PHC1: variants seen among roughly 807,000 people sequenced by gnomAD.
PHC1 encodes the protein polyhomeotic-like protein 1.
PHC1 carries 12 observed loss-of-function variants against 104.3 expected under a neutral mutation model. That is an observed-to-expected ratio of 0.12 (90% CI 0.07 to 0.19). The LOEUF is 0.19. PHC1 is among the 10% of genes least tolerant of loss of function. The pLI is 1.00. For synonymous variants in PHC1, 302 were observed against 455.8 expected (o/e 0.66, Z 4.30); for missense variants, 671 against 1,200.0 (o/e 0.56, Z 6.51).
chr12:8,931,722 G>A (rs375772193), intron 7 of PHC1, among the ~76,000 whole-genome samples: 20 of 152,220 alleles, frequency 1.3e-4, no homozygotes, highest in African/African-American at 4.3e-4. Flanking sequence ...TTCAGACTGC[G>A]GGTAAGATGT....
chr12:8,934,977 G>T (rs773109766), intron 10 of PHC1, 147 bp from the exon 11 acceptor site: 2 of 553,782 alleles, frequency 3.6e-6, no homozygotes, highest in Non-Finnish European at 6.5e-6. Context: ...CTTGATTACC[G>T]TATTGAAAGT....
intron 7 of PHC1, among the ~76,000 whole-genome samples, chr12:8,931,215 A>G (rs1945674754): frequency 6.6e-6 from 1 of 152,150 alleles, no homozygotes; most frequent in African/African-American, 2.4e-5. Context: ...CACTCTGTCT[A>G]TTCATTCATC....
intron 6 of PHC1, among the ~76,000 whole-genome samples, chr12:8,923,808 C>T (rs191713903): frequency 2.4e-5 from 3 of 125,080 alleles, no homozygotes; most frequent in African/African-American, 9.1e-5. Flanking sequence ...CCAGCCTGGG[C>T]GACAGAGCGA....
At position 8,940,301 on chromosome 12, in the gene PHC1, G is replaced by T. The variant is rs1431874687; in HGVS notation, c.*842G>T. On this transcript the variant is annotated 3_prime_UTR_variant, in exon 15 of 15. Transcript: ENST00000544916. ...TTCCTCAGTAAAAGGATGAAAATTG[G>T]TTTCAGTTGTCTTACTCTATTCCAG... is the stretch of plus-strand genomic sequence containing the variant. The T allele has an allele frequency of 6.1e-6, 1 of 165,050 alleles. No individual in the cohort carries two copies. The highest frequency in any genetic ancestry group is 1.3e-5 in the Non-Finnish European group (1 of 74,958). The allele number at this position is 165,050 out of a possible 1,614,324, so 10.2% of individuals were successfully genotyped here. A position where few individuals can be genotyped will look rare whatever the true frequency, so the allele number is the denominator to read the frequency against.
intron 6 of PHC1, among the ~76,000 whole-genome samples, chr12:8,923,755 G>A (rs11048034): frequency 0.18 from 27,584 of 150,770 alleles, 3,131 homozygotes; most frequent in Admixed American, 0.28. Context: ...GCATGAACCC[G>A]GGAGGCGGAG....
intron 14 of PHC1, 119 bp from the exon 15 acceptor site, chr12:8,939,186 T>C (rs759496360): frequency 8.0e-7 from 1 of 1,257,226 alleles, no homozygotes; most frequent in Non-Finnish European, 1.1e-6. Flanking sequence ...CCATCTGACT[T>C]CATATTACTG....
chr12:8,937,029 C>T, intron 12 of PHC1, 65 bp downstream of exon 12: 2 of 1,398,644 alleles, frequency 1.4e-6, no homozygotes, highest in Non-Finnish European at 2.0e-6. Flanking sequence ...ACACCCCTTC[C>T]CCAGGATCGT....
intron 6 of PHC1, among the ~76,000 whole-genome samples, chr12:8,923,829 CAAA>C (rs67936637): frequency 5.7e-5 from 7 of 122,466 alleles, no homozygotes; most frequent in African/African-American, 3.4e-5. Flanking sequence ...GACTCCGTCT[CAAA>C]AAAAAAAAAA....
intron 4 of PHC1, among the ~76,000 whole-genome samples, chr12:8,921,310 G>A (rs1386533806): frequency 6.6e-6 from 1 of 152,116 alleles, no homozygotes; most frequent in Non-Finnish European, 1.5e-5. Flanking sequence ...AACAAAGAAG[G>A]GGACTAATCC....
In PHC1 at chr12:8,919,479, C is replaced by G. The variant is rs1256617013; in HGVS notation, c.115-277C>G. 6.6e-6 allele frequency among the ~76,000 whole-genome samples: 1 copy of G among 152,194 alleles called. No individual in the cohort carries two copies. Reference sequence around the variant, plus strand: ...TGGTGCATACCTATAGTCCTAGCTACTTGGGAGGTTGAGGCAGTCAGGAGG... The same window carrying G: ...TGGTGCATACCTATAGTCCTAGCTAGTTGGGAGGTTGAGGCAGTCAGGAGG... On this transcript the variant is annotated intron_variant, in intron 2 of 14. Transcript: ENST00000544916. The surrounding 1 kb of genome is among the most constrained non-coding windows in gnomAD (Gnocchi z 4.9).
rs1805735 is a variant in PHC1 at position 8,934,087 on chromosome 12, A to C, written c.2041+75A>C. On this transcript the variant is annotated intron_variant, in intron 9 of 14. Transcript: ENST00000544916. ...TGTTCTGAGTGAGCTAAAAGATAAAACTGGTTGAGTAGAAAATGGGCCAGA... is the reference window on the plus strand; with the variant it reads ...TGTTCTGAGTGAGCTAAAAGATAAACCTGGTTGAGTAGAAAATGGGCCAGA... 12 of 1,537,654 alleles carry C rather than the reference A, an allele frequency of 7.8e-6. No homozygotes were observed. The African/African-American group carries it at 1.1e-4, about 14-fold the overall frequency.
intron 10 of PHC1, 26 bp downstream of exon 10, chr12:8,934,504 C>A: frequency 6.4e-7 from 1 of 1,559,294 alleles, no homozygotes; most frequent in Non-Finnish European, 8.8e-7. Context: ...TAAGGTGGGA[C>A]TTTGAAGTGG....
At chr12:8,937,798 G>A (rs1321012196) in intron 13 of PHC1, 31 bp from the exon 14 acceptor site, 2 of 1,547,830 alleles carry the variant, frequency 1.3e-6, no homozygotes, top group Non-Finnish European at 1.8e-6. Context: ...CTTTGACACT[G>A]ACCTCATTGG....
Position 8,937,290 on chromosome 12 carries a change from C to T in PHC1, c.2592C>T (p.Asp864=). 1 of 1,611,384 alleles carries T rather than the reference C, an allele frequency of 6.2e-7. No homozygotes were observed. Among genetic ancestry groups the T allele is most frequent in the Non-Finnish European group, 8.5e-7 (1 of 1,178,658 alleles). The part of the protein sequence containing the change: ...RRRGPRRSSS[D]IARAKIQGKC... ...GTGGACCCCGCCGCAGCTCCTCTGA[C>T]ATTGCCCGTGCCAAGATTCAGGGCA... Residue 864 remains aspartate (D), a synonymous_variant, in exon 13 of 15, where the codon GAC becomes GAT. Transcript: ENST00000544916.
chr12:8,922,592 C>T, intron 5 of PHC1, 41 bp from the exon 6 acceptor site: 1 of 1,524,934 alleles, frequency 6.6e-7, no homozygotes, highest in Non-Finnish European at 8.9e-7. Flanking sequence ...CTCTTCTTTC[C>T]CTCTTGTCCT....
At chr12:8,927,905 CTTTCTTTCTTTT>C (rs755157155) in intron 6 of PHC1, among the ~76,000 whole-genome samples, 39 of 100,498 alleles carry the variant, frequency 3.9e-4, no homozygotes, top group East Asian at 1.9e-3. Flanking sequence ...TTCTTTCTTT[CTTTCTTTCTTTT>C]TTTTTTTTTT....
intron 7 of PHC1, 115 bp from the exon 8 acceptor site, chr12:8,932,448 C>G: frequency 1.8e-6 from 2 of 1,081,128 alleles, no homozygotes; most frequent in Non-Finnish European, 2.7e-6. Context: ...TTCTTTTCAC[C>G]GCATAATTCC....
rs149376854 is a variant in PHC1, at chr12:8,934,463, A to G, written c.2238A>G (p.Gly746=). The change falls in exon 10 of 15, where the codon GGA becomes GGG. Residue 746 remains glycine (G), a synonymous_variant. Coordinates refer to ENST00000544916, the MANE Select transcript of PHC1 (RefSeq NM_004426.3). ...HIIEGFVIQE[G]AEPFPVGCSQ... ...TTGAAGGCTTTGTTATCCAGGAAGG[A>G]GCAGAACCTTTCCCGGTGAGGGCAG... The G allele has an allele frequency of 2.6e-4, 426 of 1,613,332 alleles. No homozygotes were observed. Among genetic ancestry groups the G allele is most frequent in the Middle Eastern group, 9.9e-4 (6 of 6,060 alleles).
At chr12:8,938,414 A>G (rs1592215520) in intron 14 of PHC1, among the ~76,000 whole-genome samples, 2 of 149,562 alleles carry the variant, frequency 1.3e-5, no homozygotes, top group South Asian at 4.3e-4. Flanking sequence ...TTGTTGCCCC[A>G]CTCTTCAAAG....
Sources: allele counts gnomAD v4.1 joint callset (sites outside exome capture counted in the v4.1 genomes callset), GRCh38; gene constraint gnomAD v4.1.1; non-coding constraint Gnocchi (gnomAD v3.1); transcripts MANE v1.5; gene names NCBI Gene and HGNC (gene_info 2026-07-23, HGNC 2026-07-21).